The following SAMMSON variants were observed in gnomAD, a reference collection of about 807,000 sequenced individuals.
The protein encoded by SAMMSON is long intergenic non-protein coding RNA 1212.
intron 6 of SAMMSON, among the ~76,000 whole-genome samples, chr3:70,268,501 C>G (rs1170440471): frequency 6.7e-6 from 1 of 149,726 alleles, no homozygotes; most frequent in Admixed American, 6.7e-5. Flanking sequence ...AAAAAATCCC[C>G]ACCAGAATGG....
At chr3:70,327,920 G>A (rs912059299) in intron 7 of SAMMSON, among the ~76,000 whole-genome samples, 3 of 152,164 alleles carry the variant, frequency 2.0e-5, no homozygotes, top group Admixed American at 6.5e-5. Context: ...GTATTAGTCC[G>A]TTTTCACACT....
At chr3:70,173,675 A>C (rs1294328304) in intron 4 of SAMMSON, among the ~76,000 whole-genome samples, 1 of 151,936 alleles carries the variant, frequency 6.6e-6, no homozygotes, top group East Asian at 1.9e-4. Flanking sequence ...AATGATCACG[A>C]GCCAAAATGA....
chr3:70,369,854 A>G (rs1424827030), intron 9 of SAMMSON, among the ~76,000 whole-genome samples: 1 of 151,842 alleles, frequency 6.6e-6, no homozygotes, highest in African/African-American at 2.4e-5. Flanking sequence ...TTTAAAATAT[A>G]TAGTACATTG....
At chr3:70,399,768 G>A (rs992352192) in intron 2 of SAMMSON, among the ~76,000 whole-genome samples, 22 of 151,392 alleles carry the variant, frequency 1.5e-4, no homozygotes, top group South Asian at 2.1e-4. Flanking sequence ...TACTCTACTC[G>A]GGAGGCAGCG....
intron 6 of SAMMSON, among the ~76,000 whole-genome samples, chr3:70,262,072 G>A (rs1029208984): frequency 1.3e-5 from 2 of 152,128 alleles, no homozygotes; most frequent in African/African-American, 2.4e-5. Flanking sequence ...TCAATCTCAC[G>A]ATAAAGCCTT....
intron 4 of SAMMSON, among the ~76,000 whole-genome samples, chr3:70,248,825 T>C (rs140954664): frequency 9.9e-4 from 151 of 152,222 alleles, no homozygotes; most frequent in African/African-American, 3.4e-3. Flanking sequence ...ATGTGTGATA[T>C]GTTTGCCAGT....
At chr3:70,370,176 G>A (rs544544873) in intron 9 of SAMMSON, among the ~76,000 whole-genome samples, 10 of 151,962 alleles carry the variant, frequency 6.6e-5, no homozygotes, top group South Asian at 6.2e-4. Context: ...GTATTCCACC[G>A]TATATATACA....
intron 1 of SAMMSON, among the ~76,000 whole-genome samples, chr3:70,008,327 G>T: frequency 6.6e-6 from 1 of 151,996 alleles, no homozygotes. Context: ...TTCATTGAGC[G>T]GTGGTTTGTA....
chr3:70,229,379 A>G (rs1256885197), intron 4 of SAMMSON, among the ~76,000 whole-genome samples: 1 of 152,192 alleles, frequency 6.6e-6, no homozygotes, highest in Admixed American at 6.5e-5. Context: ...AAATATGGCT[A>G]AAGAAGATCA....
At chr3:70,075,021 A>T (rs183211031) in intron 4 of SAMMSON, 1 of 152,160 alleles carries the variant, frequency 6.6e-6, no homozygotes, top group African/African-American at 2.4e-5. Flanking sequence ...CTGTTTGAGC[A>T]TCTTTTCACC....
chr3:70,074,630 T>G (rs561331065), intron 4 of SAMMSON, among the ~76,000 whole-genome samples: 4 of 152,278 alleles, frequency 2.6e-5, no homozygotes, highest in South Asian at 2.1e-4. Context: ...GTGAACACTT[T>G]TAGATTCTGG....
intron 4 of SAMMSON, among the ~76,000 whole-genome samples, chr3:70,225,772 T>TA (rs34509035): frequency 6.6e-6 from 1 of 152,302 alleles, no homozygotes; most frequent in South Asian, 2.1e-4. Context: ...TTATGTCTTT[T>TA]AAAAAAATGT....
intron 4 of SAMMSON, among the ~76,000 whole-genome samples, chr3:70,223,384 T>G (rs1305169282): frequency 6.6e-6 from 1 of 152,098 alleles, no homozygotes; most frequent in African/African-American, 2.4e-5. Context: ...CTGAGATGAG[T>G]GCAGAGCACT....
chr3:70,026,919 C>G (rs1244190896), intron 3 of SAMMSON, among the ~76,000 whole-genome samples: 5 of 152,104 alleles, frequency 3.3e-5, no homozygotes, highest in Non-Finnish European at 1.5e-5. Context: ...TGGAATAAGG[C>G]AACAAATTGA....
intron 4 of SAMMSON, among the ~76,000 whole-genome samples, chr3:70,078,952 A>G (rs936175608): frequency 1.3e-5 from 2 of 152,188 alleles, no homozygotes; most frequent in East Asian, 3.9e-4. Context: ...ACTAAATCTG[A>G]CCCACTGCCT....
At chr3:70,195,623 C>A (rs971994377) in intron 4 of SAMMSON, among the ~76,000 whole-genome samples, 2 of 152,144 alleles carry the variant, frequency 1.3e-5, no homozygotes, top group Non-Finnish European at 2.9e-5. Context: ...CCCTAAATTA[C>A]ACACAAAAAA....
At chr3:70,253,471 CA>C (rs1475521656) in intron 6 of SAMMSON, among the ~76,000 whole-genome samples, 1 of 151,930 alleles carries the variant, frequency 6.6e-6, no homozygotes, top group African/African-American at 2.4e-5. Flanking sequence ...ATGTTTCATC[CA>C]GCTGGGCACA....
chr3:70,175,750 T>G (rs1246431761), intron 4 of SAMMSON, among the ~76,000 whole-genome samples: 1 of 152,066 alleles, frequency 6.6e-6, no homozygotes, highest in East Asian at 1.9e-4. Context: ...TAGAATGACT[T>G]AATGTGGTAA....
At chr3:70,333,996 A>T (rs1702644647) in intron 7 of SAMMSON, among the ~76,000 whole-genome samples, 3 of 152,224 alleles carry the variant, frequency 2.0e-5, no homozygotes, top group Admixed American at 6.5e-5. Flanking sequence ...ATCAGTTGGC[A>T]AAGCTTCCTC....
Sources: allele counts gnomAD v4.1 joint callset (sites outside exome capture counted in the v4.1 genomes callset), GRCh38; gene constraint gnomAD v4.1.1; transcripts MANE v1.5; gene names NCBI Gene and HGNC (gene_info 2026-07-23, HGNC 2026-07-21).